Variants in CNTN5 observed in about 807,000 individuals in gnomAD.
The protein encoded by CNTN5 is contactin-5.
A neutral mutation model predicts 129.1 loss-of-function variants in CNTN5; 77 were observed. That is an observed-to-expected ratio of 0.60 (90% CI 0.50 to 0.72). The LOEUF (loss-of-function observed/expected upper bound fraction) is 0.72, where lower values mean the gene tolerates loss of function less well. CNTN5 is among the 30% of genes least tolerant of loss of function. CNTN5 has a pLI of 0.00. For missense variants in CNTN5, 1,478 were observed against 1,328.8 expected (o/e 1.11, Z -1.75); for synonymous variants, 509 against 465.6 (o/e 1.09, Z -1.20).
intron 6 of CNTN5, among the ~76,000 whole-genome samples, chr11:99,884,908 C>T (rs939119155): frequency 2.6e-5 from 4 of 152,074 alleles, no homozygotes; most frequent in African/African-American, 9.7e-5. Context: ...ACCAGGGAGG[C>T]AGAGGTTGCA....
intron 2 of CNTN5, among the ~76,000 whole-genome samples, chr11:99,528,500 A>C (rs532649025): frequency 6.6e-6 from 1 of 152,350 alleles, no homozygotes; most frequent in East Asian, 1.9e-4. Flanking sequence ...TTTTGACAAG[A>C]TCTATGGAAA....
intron 6 of CNTN5, among the ~76,000 whole-genome samples, chr11:99,888,759 T>G (rs1393457086): frequency 6.6e-6 from 1 of 152,192 alleles, no homozygotes; most frequent in Non-Finnish European, 1.5e-5. Context: ...CTCAGTGCTC[T>G]CAAAAAATCA....
chr11:99,779,321 A>T (rs1164570987), intron 3 of CNTN5, among the ~76,000 whole-genome samples: 1 of 152,002 alleles, frequency 6.6e-6, no homozygotes, highest in Non-Finnish European at 1.5e-5. Flanking sequence ...CTGAATTCAG[A>T]TATGGAAATA....
At chr11:100,289,429 C>T (rs1216094) in intron 18 of CNTN5, among the ~76,000 whole-genome samples, 85,221 of 147,742 alleles carry the variant, frequency 0.58, 25,217 homozygotes, top group African/African-American at 0.67. Context: ...GTGGGCTTCA[C>T]CCCTGGGATG....
intron 1 of CNTN5, among the ~76,000 whole-genome samples, chr11:99,060,457 A>G (rs781103193): frequency 6.6e-6 from 1 of 152,128 alleles, no homozygotes; most frequent in Non-Finnish European, 1.5e-5. Context: ...CAATTACACT[A>G]AAGCTATCAT....
At chr11:100,034,485 T>G (rs1941878003) in intron 9 of CNTN5, among the ~76,000 whole-genome samples, 1 of 152,224 alleles carries the variant, frequency 6.6e-6, no homozygotes, top group Non-Finnish European at 1.5e-5. Context: ...TTTACATGAT[T>G]TCTTCCTCAG....
At chr11:99,589,096 A>G (rs1949897823) in intron 3 of CNTN5, among the ~76,000 whole-genome samples, 1 of 152,222 alleles carries the variant, frequency 6.6e-6, no homozygotes, top group African/African-American at 2.4e-5. Flanking sequence ...TTGTGAAACT[A>G]TAGAAGTGCA....
chr11:99,805,019 T>C (rs1452934810), intron 3 of CNTN5, among the ~76,000 whole-genome samples: 1 of 152,074 alleles, frequency 6.6e-6, no homozygotes, highest in Non-Finnish European at 1.5e-5. Context: ...GGTAACTGTT[T>C]ATTGAGGAAT....
Position 100,358,592 on chromosome 11 carries a change from A to G in CNTN5, c.*2372A>G, listed in dbSNP as rs1407858642. ...TACTGAGTTTTTTCTGCTATGGGAT[A>G]GTAACCACAGTCTTAAATCACTAAA... is the stretch of plus-strand genomic sequence containing the variant. On this transcript the variant is annotated 3_prime_UTR_variant, in exon 25 of 25. Coordinates refer to ENST00000524871, the MANE Select transcript of CNTN5 (RefSeq NM_014361.4). 6.6e-6 allele frequency: 1 copy of G among 151,866 alleles called. No individual in the cohort carries two copies. Among genetic ancestry groups the G allele is most frequent in the Non-Finnish European group, 1.5e-5 (1 of 67,844 alleles). The allele number at this position is 151,866 out of a possible 1,614,324, so 9.4% of individuals were successfully genotyped here. A position where few individuals can be genotyped will look rare whatever the true frequency, so the allele number is the denominator to read the frequency against.
intron 3 of CNTN5, among the ~76,000 whole-genome samples, chr11:99,562,933 A>G (rs963764777): frequency 6.6e-6 from 1 of 152,206 alleles, no homozygotes; most frequent in Non-Finnish European, 1.5e-5. Flanking sequence ...CTAAAAGTAA[A>G]TCTGTGATTC....
intron 1 of CNTN5, among the ~76,000 whole-genome samples, chr11:99,302,788 C>T (rs1591493064): frequency 1.3e-5 from 2 of 151,724 alleles, no homozygotes; most frequent in East Asian, 3.9e-4. Flanking sequence ...AAAACAACAA[C>T]TATTAATCCT....
intron 18 of CNTN5, among the ~76,000 whole-genome samples, chr11:100,281,403 G>A (rs1197318863): frequency 6.6e-6 from 1 of 152,000 alleles, no homozygotes; most frequent in Non-Finnish European, 1.5e-5. Context: ...CTTTAAATAT[G>A]TCATACCGCT....
intron 21 of CNTN5, among the ~76,000 whole-genome samples, chr11:100,332,366 C>G (rs780089978): frequency 3.3e-5 from 5 of 151,796 alleles, no homozygotes; most frequent in African/African-American, 1.2e-4. Context: ...AAAAAAAAGT[C>G]GAGGATCACA....
chr11:99,394,748 A>G (rs1414850460), intron 2 of CNTN5, among the ~76,000 whole-genome samples: 6 of 151,588 alleles, frequency 4.0e-5, no homozygotes, highest in Non-Finnish European at 8.9e-5. Flanking sequence ...CCATGTGCTC[A>G]TGTATTCTCA....
intron 3 of CNTN5, among the ~76,000 whole-genome samples, chr11:99,756,467 A>T (rs770766716): frequency 6.6e-6 from 1 of 152,132 alleles, no homozygotes; most frequent in African/African-American, 2.4e-5. Context: ...AAGTAAGAAG[A>T]AGTTTCAGGA....
rs73552085 is a variant in CNTN5 at position 99,802,416 on chromosome 11, C to A, written c.56-17128C>A. 2.3e-3 allele frequency among the ~76,000 whole-genome samples: 349 copies of A among 152,238 alleles called. 1 individual carries two copies. Among genetic ancestry groups the A allele is most frequent in the African/African-American group, 7.8e-3 (325 of 41,554 alleles). Reference sequence around the variant, plus strand: ...CCAGGAAGGCTCACCTACATGTCCCCTAATGGCAGGCAAGGGACTGCCATT... The same window carrying A: ...CCAGGAAGGCTCACCTACATGTCCCATAATGGCAGGCAAGGGACTGCCATT... On this transcript the variant is annotated intron_variant, in intron 3 of 24. Transcript: ENST00000524871.
At chr11:99,780,064 T>C (rs970354356) in intron 3 of CNTN5, among the ~76,000 whole-genome samples, 7 of 152,040 alleles carry the variant, frequency 4.6e-5, no homozygotes, top group East Asian at 1.9e-4. Context: ...ATGGATATTA[T>C]ATAGAGACTG....
At chr11:100,285,698 T>C (rs906266594) in intron 18 of CNTN5, among the ~76,000 whole-genome samples, 27 of 152,324 alleles carry the variant, frequency 1.8e-4, no homozygotes, top group Non-Finnish European at 3.1e-4. Context: ...CTCTTCTGAC[T>C]CAAATGGAAA....
chr11:100,160,143 C>G (rs986852704), intron 13 of CNTN5, among the ~76,000 whole-genome samples: 4 of 151,838 alleles, frequency 2.6e-5, no homozygotes, highest in African/African-American at 9.7e-5. Context: ...CATTGTTCAC[C>G]TCCCACTTAT....
Sources: allele counts gnomAD v4.1 joint callset (sites outside exome capture counted in the v4.1 genomes callset), GRCh38; gene constraint gnomAD v4.1.1; transcripts MANE v1.5; gene names NCBI Gene and HGNC (gene_info 2026-07-23, HGNC 2026-07-21).